SEC13: variants seen among roughly 807,000 people sequenced by gnomAD.
SEC13 encodes SEC13 homolog, nuclear pore and COPII component.
SEC13 carries 25 observed loss-of-function variants against 49.2 expected under a neutral mutation model. The observed-to-expected ratio is 0.51, with a 90% confidence interval of 0.37 to 0.71. The LOEUF is 0.71. Ranked by LOEUF, SEC13 falls within the 30% of genes least tolerant of loss-of-function variation. The pLI is 0.00. For missense variants in SEC13, 383 were observed against 417.6 expected (o/e 0.92, Z 0.72); for synonymous variants, 148 against 163.9 (o/e 0.90, Z 0.74).
At chr3:10,312,968 G>A (rs930629127) in intron 3 of SEC13, 2 of 468,614 alleles carry the variant, frequency 4.3e-6, no homozygotes, top group Non-Finnish European at 7.7e-6. Flanking sequence ...GAGCCTCTGG[G>A]TCAGCCTTCC....
intron 7 of SEC13, 94 bp downstream of exon 7, chr3:10,304,939 T>G: frequency 6.3e-7 from 1 of 1,587,124 alleles, no homozygotes; most frequent in South Asian, 1.1e-5. Flanking sequence ...GCTCTCCCTT[T>G]ACCTTCCCAG....
At chr3:10,310,950 C>T (rs1701214505) in intron 5 of SEC13, among the ~76,000 whole-genome samples, 2 of 151,894 alleles carry the variant, frequency 1.3e-5, no homozygotes. Flanking sequence ...TAGGAGAAGC[C>T]AGTCACAAAA....
intron 5 of SEC13, among the ~76,000 whole-genome samples, chr3:10,306,489 G>A (rs1700886059): frequency 6.6e-6 from 1 of 152,186 alleles, no homozygotes; most frequent in South Asian, 2.1e-4. Flanking sequence ...ACTGGGGCTT[G>A]TAAAATGGTG....
chr3:10,308,413 TC>T (rs767548083), intron 5 of SEC13, among the ~76,000 whole-genome samples: 6 of 152,218 alleles, frequency 3.9e-5, no homozygotes, highest in African/African-American at 7.2e-5. Context: ...TGCAGTCATT[TC>T]TTTTTATTGC....
Position 10,321,074 on chromosome 3 carries a change from A to T in SEC13, c.-22T>A. The stretch of plus-strand genomic sequence containing the variant: ...CCATGATTGCGGCGGTGGCTGCTCC[A>T]GGTCTCGGACGTGGCAGCTCCCGGC... On this transcript the variant is annotated 5_prime_UTR_variant, in exon 1 of 9. Coordinates refer to ENST00000350697, the MANE Select transcript of SEC13 (RefSeq NM_183352.3). The surrounding 1 kb of genome is among the most constrained non-coding windows in gnomAD (Gnocchi z 4.1). 6.2e-7 allele frequency: 1 copy of T among 1,612,668 alleles called. No individual in the cohort carries two copies.
At chr3:10,307,715 T>G (rs748772769) in intron 5 of SEC13, among the ~76,000 whole-genome samples, 5 of 152,204 alleles carry the variant, frequency 3.3e-5, no homozygotes, top group Non-Finnish European at 7.3e-5. Context: ...CACATGGGCA[T>G]TCAAAATGAG....
In SEC13 at chr3:10,312,667, C is replaced by T. The variant is rs144106790; in HGVS notation, c.228G>A (p.Ser76=). 1.8e-5 allele frequency: 29 copies of T among 1,614,038 alleles called. No homozygotes were observed. Among genetic ancestry groups the T allele is most frequent in the African/African-American group, 8.0e-5 (6 of 74,896 alleles). The change falls in exon 4 of 9, where the codon TCG becomes TCA. Residue 76 remains serine (S), a synonymous_variant. Coordinates refer to ENST00000350697, the MANE Select transcript of SEC13 (RefSeq NM_183352.3). ...AHPMYGNILA[S]CSYDRKVIIW... is the part of the protein sequence containing the mutation. ...TAATGACTTTCCGGTCATAGGAGCA[C>T]GATGCCAGGATGTTGCCGTACATGG...
At chr3:10,319,751 C>T (rs1273826554) in intron 1 of SEC13, among the ~76,000 whole-genome samples, 1 of 116,006 alleles carries the variant, frequency 8.6e-6, no homozygotes, top group Admixed American at 1.2e-4. Context: ...TGATGAACCA[C>T]ACTTCTGAAT....
chr3:10,314,423 T>C (rs1701474935), intron 3 of SEC13, among the ~76,000 whole-genome samples: 1 of 152,254 alleles, frequency 6.6e-6, no homozygotes, highest in African/African-American at 2.4e-5. Flanking sequence ...TATTTTGAGG[T>C]AGCTAAGTAA....
At position 10,301,211 on chromosome 3, in the gene SEC13, A is replaced by C. The variant is rs775722610; in HGVS notation, c.*50T>G. ...AGTTGTCTGGTTAGTTGGCCCAGGA[A>C]GGGGCAGTCCTGGAGCTGGCGGGTG... On this transcript the variant is annotated 3_prime_UTR_variant, in exon 9 of 9. Transcript: ENST00000350697. 3.1e-6 allele frequency: 5 copies of C among 1,613,956 alleles called. No individual in the cohort carries two copies. In the East Asian group the frequency reaches 1.1e-4, roughly 36 times the overall value.
chr3:10,315,015 T>G, intron 3 of SEC13: 1 of 276,644 alleles, frequency 3.6e-6, no homozygotes, highest in Non-Finnish European at 7.0e-6. Flanking sequence ...TTGGCCCAAT[T>G]TTGAGGATGA....
intron 5 of SEC13, among the ~76,000 whole-genome samples, chr3:10,309,884 A>T (rs1198006394): frequency 1.3e-5 from 2 of 152,232 alleles, no homozygotes; most frequent in Non-Finnish European, 2.9e-5. Context: ...AAAACGTGGG[A>T]GATGGCTTTC....
chr3:10,301,255 G>A lies in SEC13; in HGVS notation c.*6C>T. 2 of 1,614,184 alleles carry A rather than the reference G, an allele frequency of 1.2e-6. No individual in the cohort carries two copies. The highest frequency in any genetic ancestry group is 1.7e-6 in the Non-Finnish European group (2 of 1,180,026). ...GCGGGTGGGGAGCCAGGCCCCACCT[G>A]TCTTGTCACTGCTCGTTCTGCTGGC... is the stretch of plus-strand genomic sequence containing the variant. On this transcript the variant is annotated 3_prime_UTR_variant, in exon 9 of 9. Transcript: ENST00000350697.
chr3:10,304,807 T>C (rs1401946754), intron 7 of SEC13, among the ~76,000 whole-genome samples: 2 of 152,134 alleles, frequency 1.3e-5, no homozygotes, highest in African/African-American at 2.4e-5. Context: ...TCCGCCTCCT[T>C]CTTGGTGCCG....
chr3:10,319,864 C>CGAGAGAGA (rs150859448), intron 1 of SEC13, among the ~76,000 whole-genome samples: 31,922 of 37,852 alleles, frequency 0.84, 13,666 homozygotes, highest in East Asian at 0.98. Flanking sequence ...GGAGGAAGGG[C>CGAGAGAGA]GGGAGAGAAA....
At chr3:10,309,450 A>G (rs1701110634) in intron 5 of SEC13, among the ~76,000 whole-genome samples, 1 of 151,892 alleles carries the variant, frequency 6.6e-6, no homozygotes, top group Admixed American at 6.6e-5. Context: ...TTCCTTTTTC[A>G]CACTGTTTAT....
At chr3:10,310,464 C>A (rs1404284520) in intron 5 of SEC13, among the ~76,000 whole-genome samples, 1 of 152,118 alleles carries the variant, frequency 6.6e-6, no homozygotes, top group Non-Finnish European at 1.5e-5. Flanking sequence ...GCACTCCAGC[C>A]TGGGTGACAG....
intron 1 of SEC13, 136 bp from the exon 2 acceptor site, chr3:10,318,230 T>G: frequency 1.5e-6 from 1 of 682,266 alleles, no homozygotes. Flanking sequence ...AGTACCTTCT[T>G]TCTGCCAAGC....
At chr3:10,320,958 C>A in intron 1 of SEC13, 92 bp downstream of exon 1, 1 of 1,579,526 alleles carries the variant, frequency 6.3e-7, no homozygotes. Context: ...ACGGCTCCAG[C>A]TTGGGATTTG....
Sources: allele counts gnomAD v4.1 joint callset (sites outside exome capture counted in the v4.1 genomes callset), GRCh38; gene constraint gnomAD v4.1.1; non-coding constraint Gnocchi (gnomAD v3.1); transcripts MANE v1.5; gene names NCBI Gene and HGNC (gene_info 2026-07-23, HGNC 2026-07-21).